EAF2: variants seen among roughly 807,000 people sequenced by gnomAD.
EAF2 encodes ELL associated factor 2.
A neutral mutation model predicts 29.4 loss-of-function variants in EAF2; 29 were observed. The ratio of observed to expected loss-of-function variants is 0.99; its 90% CI spans 0.73 to 1.35. EAF2 has a LOEUF of 1.35. Ranked by LOEUF, EAF2 falls within the 40% of genes most tolerant of loss-of-function variation. EAF2 has a pLI of 0.00. For synonymous variants in EAF2, 103 were observed against 102.5 expected (o/e 1.00, Z -0.03); for missense variants, 292 against 312.0 (o/e 0.94, Z 0.48).
chr3:121,851,685 A>C (rs1708634163), intron 2 of EAF2, among the ~76,000 whole-genome samples: 1 of 152,214 alleles, frequency 6.6e-6, no homozygotes, highest in Non-Finnish European at 1.5e-5. Context: ...TTTTAAGCAC[A>C]GAAAGATTTT....
At chr3:121,873,138 T>G in intron 5 of EAF2, 1 of 659,102 alleles carries the variant, frequency 1.5e-6, no homozygotes, top group South Asian at 1.7e-5. Context: ...TCTGTTGCAG[T>G]CAATACTTAT....
intron 5 of EAF2, among the ~76,000 whole-genome samples, chr3:121,885,953 AT>A (rs952983439): frequency 6.6e-6 from 1 of 152,168 alleles, no homozygotes; most frequent in African/African-American, 2.4e-5. Context: ...GACATATATT[AT>A]TTAATGATTT....
chr3:121,884,427 ATTTATTTATT>A (rs1709245598), intron 5 of EAF2, among the ~76,000 whole-genome samples: 1 of 149,982 alleles, frequency 6.7e-6, no homozygotes, highest in Non-Finnish European at 1.5e-5. Context: ...TTTCTTATTT[ATTTATTTATT>A]TTTTTTTTTG....
chr3:121,843,328 A>T (rs1708466871), intron 1 of EAF2, among the ~76,000 whole-genome samples: 1 of 152,166 alleles, frequency 6.6e-6, no homozygotes, highest in African/African-American at 2.4e-5. Context: ...AAGGTTTTCT[A>T]ATTATAATTC....
chr3:121,848,188 C>T (rs1193324082), intron 2 of EAF2, among the ~76,000 whole-genome samples: 2 of 152,106 alleles, frequency 1.3e-5, no homozygotes, highest in Admixed American at 6.6e-5. Context: ...AATTGTTAAG[C>T]CGCCTCTGAG....
chr3:121,851,396 G>A (rs915144787), intron 2 of EAF2, among the ~76,000 whole-genome samples: 3 of 152,040 alleles, frequency 2.0e-5, no homozygotes, highest in Non-Finnish European at 4.4e-5. Flanking sequence ...GCCCATGCTG[G>A]TCGGAAACTC....
intron 5 of EAF2, among the ~76,000 whole-genome samples, chr3:121,881,795 G>A (rs563739107): frequency 1.3e-5 from 2 of 152,200 alleles, no homozygotes; most frequent in South Asian, 4.1e-4. Context: ...GCAGGTGTGA[G>A]CCAATGCACC....
chr3:121,840,511 A>AC (rs1559815994), intron 1 of EAF2, among the ~76,000 whole-genome samples: 8 of 111,448 alleles, frequency 7.2e-5, no homozygotes, highest in Admixed American at 4.2e-4. Context: ...AAAAAAAAGA[A>AC]AAAAAAAAAA....
chr3:121,871,171 T>C (rs1344682479), intron 4 of EAF2, among the ~76,000 whole-genome samples: 2 of 151,186 alleles, frequency 1.3e-5, no homozygotes, highest in African/African-American at 4.8e-5. Flanking sequence ...GGTATATTTA[T>C]ATAATATAAT....
At chr3:121,863,337 C>A (rs900295964) in intron 4 of EAF2, among the ~76,000 whole-genome samples, 14 of 152,158 alleles carry the variant, frequency 9.2e-5, no homozygotes, top group Non-Finnish European at 1.5e-4. Context: ...CTGCGGTGGG[C>A]TCCACCTGGT....
At position 121,886,396 on chromosome 3, in the gene EAF2, T is replaced by G; in HGVS notation, c.*8T>G. Reference sequence around the variant, plus strand: ...AGTGACAGTGATGACTGAAGAAATATTTAGCTATAAATAAAAATTTATACA... The same window carrying G: ...AGTGACAGTGATGACTGAAGAAATAGTTAGCTATAAATAAAAATTTATACA... On this transcript the variant is annotated 3_prime_UTR_variant, in exon 6 of 6. Transcript: ENST00000273668. 7.0e-7 allele frequency: 1 copy of G among 1,435,612 alleles called. No homozygotes were observed. Among genetic ancestry groups the G allele is most frequent in the Non-Finnish European group, 9.2e-7 (1 of 1,082,502 alleles). 88.9% of individuals were successfully genotyped at this position (1,435,612 alleles called of 1,614,324 possible). A position where few individuals can be genotyped will look rare whatever the true frequency, so the allele number is the denominator to read the frequency against.
chr3:121,854,198 C>T (rs1708679544), intron 2 of EAF2, among the ~76,000 whole-genome samples: 1 of 151,700 alleles, frequency 6.6e-6, no homozygotes, highest in African/African-American at 2.4e-5. Flanking sequence ...TGCCTATAGT[C>T]CCAACTGCTC....
At chr3:121,844,319 GTAA>G (rs1424274342) in intron 1 of EAF2, 131 bp from the exon 2 acceptor site, 1 of 554,554 alleles carries the variant, frequency 1.8e-6, no homozygotes, top group Non-Finnish European at 3.2e-6. Flanking sequence ...TTGTTCATTT[GTAA>G]TATGAATACT....
At chr3:121,848,270 T>C (rs967272659) in intron 2 of EAF2, among the ~76,000 whole-genome samples, 2 of 152,206 alleles carry the variant, frequency 1.3e-5, no homozygotes, top group Non-Finnish European at 2.9e-5. Context: ...CAGAGATGTA[T>C]GCAGATGTGT....
At chr3:121,868,190 GA>G (rs1318255782) in intron 4 of EAF2, among the ~76,000 whole-genome samples, 1 of 152,140 alleles carries the variant, frequency 6.6e-6, no homozygotes, top group Non-Finnish European at 1.5e-5. Flanking sequence ...CTGTTTATAA[GA>G]AATTAATGAA....
chr3:121,883,726 C>T (rs1369107525), intron 5 of EAF2, among the ~76,000 whole-genome samples: 2 of 152,216 alleles, frequency 1.3e-5, no homozygotes, highest in Non-Finnish European at 2.9e-5. Flanking sequence ...CCCTGGGGGG[C>T]AGTACTACTC....
intron 2 of EAF2, among the ~76,000 whole-genome samples, chr3:121,854,315 C>A (rs1302368475): frequency 1.9e-3 from 193 of 104,320 alleles, no homozygotes; most frequent in Admixed American, 3.5e-3. Context: ...GACTCTGTCT[C>A]AAAAAAAAAA....
intron 1 of EAF2, among the ~76,000 whole-genome samples, chr3:121,838,361 G>T (rs1422743051): frequency 6.6e-6 from 1 of 152,084 alleles, no homozygotes; most frequent in Non-Finnish European, 1.5e-5. Flanking sequence ...AAGAGAATAT[G>T]TTTGACATTT....
At position 121,872,557 on chromosome 3, in the gene EAF2, C is replaced by A; in HGVS notation, c.505C>A (p.Leu169Ile). Residue 169 changes from leucine (L) to isoleucine (I), a missense_variant, in exon 5 of 6, where the codon CTA (leucine) becomes ATA (isoleucine). Physicochemically the swap from Leu to Ile is conservative, Grantham distance 5 (BLOSUM62 2). Transcript: ENST00000273668. The part of the protein sequence containing the change: ...IERELKAEAS[L>I]MDQMSSCDSS... ...TTCAGAACTGAAGGCAGAAGCTAGT[C>A]TAATGGACCAGATGAGTAGTTGTGA... 1 of 1,606,946 alleles carries A rather than the reference C, an allele frequency of 6.2e-7. No homozygotes were observed. The highest frequency in any genetic ancestry group is 8.5e-7 in the Non-Finnish European group (1 of 1,175,732).
Sources: gnomAD v4.1 joint callset for allele counts (sites outside exome capture counted in the v4.1 genomes callset) on GRCh38, gnomAD v4.1.1 for gene constraint, MANE v1.5 for transcripts, NCBI Gene and HGNC (gene_info 2026-07-23, HGNC 2026-07-21) for gene names.